The following GABRA4 variants were observed in gnomAD, a reference collection of about 807,000 sequenced individuals.
GABRA4 encodes the protein gamma-aminobutyric acid receptor subunit alpha-4.
In GABRA4, 12 loss-of-function variants were observed where a neutral mutation model predicts 49.7. The observed-to-expected ratio is 0.24, with a 90% CI of 0.15 to 0.39. GABRA4 has a LOEUF of 0.39. GABRA4 is among the 10% of genes least tolerant of loss of function. GABRA4 has a pLI of 1.00. For missense variants in GABRA4, 506 were observed against 686.0 expected, an observed-to-expected ratio of 0.74 and a Z score of 2.93; for synonymous variants, 288 against 240.2, an observed-to-expected ratio of 1.20 and a Z score of -1.84.
rs1721021284 is a variant in GABRA4 at position 46,921,300 on chromosome 4, C to T, written c.*6925G>A. On this transcript the variant is annotated 3_prime_UTR_variant, in exon 9 of 9. Coordinates refer to ENST00000264318, the MANE Select transcript of GABRA4 (RefSeq NM_000809.4). ...ACTAATCTACTGATGAATTGAAGGA[C>T]AGGAAAATATAAACAGTGTAATAAA... The T allele has an allele frequency of 6.6e-6, 1 of 151,224 alleles. No individual in the cohort carries two copies. Among genetic ancestry groups the T allele is most frequent in the Admixed American group, 6.6e-5 (1 of 15,170 alleles). 9.4% of individuals were successfully genotyped at this position (151,224 alleles called of 1,614,324 possible).
intron 8 of GABRA4, among the ~76,000 whole-genome samples, chr4:46,954,062 C>T (rs1045957517): frequency 2.0e-5 from 3 of 152,120 alleles, no homozygotes; most frequent in African/African-American, 7.2e-5. Flanking sequence ...TATGAATATA[C>T]ATGAAGTGCT....
In GABRA4 at chr4:46,927,305, C is replaced by G. The variant is rs1721262681; in HGVS notation, c.*920G>C. The G allele has an allele frequency of 6.6e-6, 1 of 152,438 alleles. No homozygotes were observed. Among genetic ancestry groups the G allele is most frequent in the Admixed American group, 6.6e-5 (1 of 15,212 alleles). The allele number at this position is 152,438 out of a possible 1,614,324, so 9.4% of individuals were successfully genotyped here. A position where few individuals can be genotyped will look rare whatever the true frequency, so the allele number is the denominator to read the frequency against. On this transcript the variant is annotated 3_prime_UTR_variant, in exon 9 of 9. Coordinates refer to ENST00000264318, the MANE Select transcript of GABRA4 (RefSeq NM_000809.4). Reference sequence around the variant, plus strand: ...TGTGAACAAATATATTTGTTATCCACTATCAGTAGAGGCTGAAAAATATTT... The same window carrying G: ...TGTGAACAAATATATTTGTTATCCAGTATCAGTAGAGGCTGAAAAATATTT...
At chr4:46,967,479 A>G (rs1278625130) in intron 7 of GABRA4, among the ~76,000 whole-genome samples, 1 of 151,590 alleles carries the variant, frequency 6.6e-6, no homozygotes, top group African/African-American at 2.4e-5. Flanking sequence ...TAATGCAGTT[A>G]TTGACCCATA....
In GABRA4 at chr4:46,977,146, A is replaced by G. The variant is rs200542457; in HGVS notation, c.495-3T>C. 16 of 1,568,304 alleles carry G rather than the reference A, an allele frequency of 1.0e-5. No homozygotes were observed. Among genetic ancestry groups the G allele is most frequent in the Non-Finnish European group, 1.4e-5 (16 of 1,148,304 alleles). On this transcript the variant is annotated splice_polypyrimidine_tract_variant and splice_region_variant and intron_variant, in intron 4 of 8. Coordinates refer to ENST00000264318, the MANE Select transcript of GABRA4 (RefSeq NM_000809.4). Reference sequence around the variant, plus strand: ...GACACTCCGCACTTATGGTGAGTCTATGATGAAAAATGCAATTAAATAAAA... The same window carrying G: ...GACACTCCGCACTTATGGTGAGTCTGTGATGAAAAATGCAATTAAATAAAA...
Position 46,922,788 on chromosome 4 carries a change from A to G in GABRA4, c.*5437T>C, listed in dbSNP as rs1721081599. The G allele has an allele frequency of 6.6e-6, 1 of 152,174 alleles. No homozygotes were observed. Among genetic ancestry groups the G allele is most frequent in the Non-Finnish European group, 1.5e-5 (1 of 68,034 alleles). The allele number at this position is 152,174 out of a possible 1,614,324, so 9.4% of individuals were successfully genotyped here. ...AAAACTCACTAGGGTTATGGTTGAC[A>G]AAAGTTAAAGAAAATTTTAAAGATA... On this transcript the variant is annotated 3_prime_UTR_variant, in exon 9 of 9. Transcript: ENST00000264318.
intron 8 of GABRA4, among the ~76,000 whole-genome samples, chr4:46,963,451 A>G (rs1722648587): frequency 6.6e-6 from 1 of 151,746 alleles, no homozygotes; most frequent in South Asian, 2.1e-4. Flanking sequence ...GTCTCACCAG[A>G]TCTGATGGGC....
At position 46,926,211 on chromosome 4, in the gene GABRA4, T is replaced by C. The variant is rs1721225607; in HGVS notation, c.*2014A>G. 6.6e-6 allele frequency: 1 copy of C among 151,924 alleles called. No homozygotes were observed. Among genetic ancestry groups the C allele is most frequent in the Non-Finnish European group, 1.5e-5 (1 of 67,878 alleles). 9.4% of individuals were successfully genotyped at this position (151,924 alleles called of 1,614,324 possible). On this transcript the variant is annotated 3_prime_UTR_variant, in exon 9 of 9. Coordinates refer to ENST00000264318, the MANE Select transcript of GABRA4 (RefSeq NM_000809.4). ...AGCGAATGAATTGTGCTTCCAACCA[T>C]ATTTCCAAACATCGTCCTCAAGGCC... is the stretch of plus-strand genomic sequence containing the variant.
intron 2 of GABRA4, among the ~76,000 whole-genome samples, chr4:46,979,884 A>G (rs1205988745): frequency 2.0e-5 from 3 of 152,150 alleles, no homozygotes; most frequent in Non-Finnish European, 4.4e-5. Context: ...TAGTTCGTAA[A>G]GAAGCACACT....
intron 8 of GABRA4, among the ~76,000 whole-genome samples, chr4:46,943,544 T>C (rs1428541898): frequency 6.6e-6 from 1 of 152,144 alleles, no homozygotes; most frequent in Non-Finnish European, 1.5e-5. Context: ...CCTGATTGTT[T>C]TCAGGGGAAA....
At chr4:46,956,893 T>C (rs772794518) in intron 8 of GABRA4, among the ~76,000 whole-genome samples, 2 of 152,024 alleles carry the variant, frequency 1.3e-5, no homozygotes, top group Non-Finnish European at 2.9e-5. Flanking sequence ...TATGGGAAAA[T>C]AAGTGTGCTG....
intron 8 of GABRA4, among the ~76,000 whole-genome samples, chr4:46,954,078 T>C (rs2109361228): frequency 6.6e-6 from 1 of 152,244 alleles, no homozygotes; most frequent in Non-Finnish European, 1.5e-5. Context: ...GTGCTTAAAA[T>C]ATTCTCCAGC....
At chr4:46,929,818 T>C (rs1383253928) in intron 8 of GABRA4, among the ~76,000 whole-genome samples, 2 of 151,840 alleles carry the variant, frequency 1.3e-5, no homozygotes, top group Non-Finnish European at 2.9e-5. Context: ...TACCATTTCA[T>C]GAAGTAGATG....
chr4:46,950,716 A>AAAATAAATACATAAAT, intron 8 of GABRA4, among the ~76,000 whole-genome samples: 1 of 140,316 alleles, frequency 7.1e-6, no homozygotes, highest in Admixed American at 7.1e-5. Flanking sequence ...ATTCTCTAAG[A>AAAATAAATACATAAAT]AAATAAATAA....
chr4:46,927,339 T>A lies in GABRA4; in HGVS notation c.*886A>T, dbSNP rs1721264195. The stretch of plus-strand genomic sequence containing the variant: ...GAGGCTGAAAAATATTTTGAATATG[T>A]TGTCAGACTCTAAATAAATGTCCTT... On this transcript the variant is annotated 3_prime_UTR_variant, in exon 9 of 9. Coordinates refer to ENST00000264318, the MANE Select transcript of GABRA4 (RefSeq NM_000809.4). The A allele has an allele frequency of 6.6e-6, 1 of 152,592 alleles. No homozygotes were observed. The highest frequency in any genetic ancestry group is 1.9e-4 in the East Asian group (1 of 5,168). The allele number at this position is 152,592 out of a possible 1,614,324, so 9.5% of individuals were successfully genotyped here.
At chr4:46,964,658 G>T (rs11722390) in intron 8 of GABRA4, among the ~76,000 whole-genome samples, 2 of 151,692 alleles carry the variant, frequency 1.3e-5, no homozygotes, top group Admixed American at 6.6e-5. Flanking sequence ...CTCACTTAAA[G>T]ATGTCCACAG....
At chr4:46,968,726 A>G (rs1421449957) in intron 7 of GABRA4, among the ~76,000 whole-genome samples, 2 of 151,628 alleles carry the variant, frequency 1.3e-5, no homozygotes, top group South Asian at 2.1e-4. Context: ...TGGATAGGAA[A>G]TGTTGGGTGA....
rs1449625707 is a variant in GABRA4 at position 46,965,233 on chromosome 4, C to G, written c.875-4G>C. The G allele has an allele frequency of 5.6e-6, 8 of 1,439,034 alleles. No individual in the cohort carries two copies. In the African/African-American group the frequency reaches 5.8e-5, roughly 10 times the overall value. 89.1% of individuals were successfully genotyped at this position (1,439,034 alleles called of 1,614,324 possible). Reference sequence around the variant, plus strand: ...ATGGTGAGGACAGTTGTTATTCCTTCAAAGCAAAAGAGCAGAGAGACAAAA... The same window carrying G: ...ATGGTGAGGACAGTTGTTATTCCTTGAAAGCAAAAGAGCAGAGAGACAAAA... On this transcript the variant is annotated splice_region_variant and splice_polypyrimidine_tract_variant and intron_variant, in intron 7 of 8. Transcript: ENST00000264318.
intron 2 of GABRA4, among the ~76,000 whole-genome samples, chr4:46,989,083 T>G (rs1442178613): frequency 2.0e-5 from 3 of 152,088 alleles, no homozygotes; most frequent in Non-Finnish European, 4.4e-5. Flanking sequence ...TTCAGAGAGG[T>G]TGTGGAAGAT....
chr4:46,985,545 A>C (rs1300310122), intron 2 of GABRA4, among the ~76,000 whole-genome samples: 1 of 152,064 alleles, frequency 6.6e-6, no homozygotes, highest in East Asian at 1.9e-4. Flanking sequence ...TAAATATATA[A>C]GAAAGGCTTA....
Sources: allele counts gnomAD v4.1 joint callset (sites outside exome capture counted in the v4.1 genomes callset), GRCh38; gene constraint gnomAD v4.1.1; transcripts MANE v1.5; gene names NCBI Gene and HGNC (gene_info 2026-07-23, HGNC 2026-07-21).